Variants in TNKS observed in about 807,000 individuals in gnomAD.
TNKS encodes tankyrase.
TNKS carries 72 observed loss-of-function variants against 135.8 expected under a neutral mutation model. The observed-to-expected ratio is 0.53, with a 90% confidence interval of 0.44 to 0.64. TNKS has a LOEUF of 0.64. Ranked by LOEUF, TNKS falls within the 30% of genes least tolerant of loss-of-function variation. The pLI is 0.00. For missense variants in TNKS, 1,769 were observed against 1,674.0 expected, an observed-to-expected ratio of 1.06 and a Z score of -0.99; for synonymous variants, 849 against 649.3, an observed-to-expected ratio of 1.31 and a Z score of -4.68.
At chr8:9,651,057 A>G (rs1198346273) in intron 3 of TNKS, among the ~76,000 whole-genome samples, 1 of 151,860 alleles carries the variant, frequency 6.6e-6, no homozygotes, top group Non-Finnish European at 1.5e-5. Flanking sequence ...TACCAACACC[A>G]TTTGTTAACT....
chr8:9,761,707 G>A lies in TNKS; in HGVS notation c.3274+71G>A, dbSNP rs1807158188. The A allele has an allele frequency of 5.3e-5, 80 of 1,498,254 alleles. 1 individual carries two copies. In the South Asian group the frequency reaches 9.9e-4, roughly 19 times the overall value. The allele number at this position is 1,498,254 out of a possible 1,614,324, so 92.8% of individuals were successfully genotyped here. A position where few individuals can be genotyped will look rare whatever the true frequency, so the allele number is the denominator to read the frequency against. ...AAGGTAAGTATTGGGGCTGATAATT[G>A]AACTCAGGCAGTCCAGTCCCAGAAC... On this transcript the variant is annotated intron_variant, in intron 21 of 26. Transcript: ENST00000310430.
intron 11 of TNKS, among the ~76,000 whole-genome samples, chr8:9,717,050 C>T (rs1240282056): frequency 1.1e-5 from 1 of 91,794 alleles, no homozygotes; most frequent in Non-Finnish European, 2.3e-5. Context: ...TTGAAACCAC[C>T]AAAGATAATC....
At chr8:9,582,623 C>G (rs1261116917) in intron 2 of TNKS, among the ~76,000 whole-genome samples, 1 of 152,192 alleles carries the variant, frequency 6.6e-6, no homozygotes, top group Non-Finnish European at 1.5e-5. Context: ...CCATGGGCCA[C>G]TTTCTTGGCC....
At chr8:9,745,109 T>G (rs1210731717) in intron 17 of TNKS, among the ~76,000 whole-genome samples, 2 of 152,170 alleles carry the variant, frequency 1.3e-5, no homozygotes, top group Admixed American at 1.3e-4. Flanking sequence ...GGGAGAAGCT[T>G]GAAATTATTC....
chr8:9,762,877 C>T lies in TNKS; in HGVS notation c.3275-270C>T, dbSNP rs554795621. Among the ~76,000 whole-genome samples, 12 of 150,304 alleles carry T rather than the reference C, an allele frequency of 8.0e-5. No individual in the cohort carries two copies. In the South Asian group the frequency reaches 8.5e-4, roughly 11 times the overall value. Reference sequence around the variant, plus strand: ...CCGAGATCACGTCACTGCACTCCAGCCTGGGCGACAGAGCGAGGCTCCGTC... The same window carrying T: ...CCGAGATCACGTCACTGCACTCCAGTCTGGGCGACAGAGCGAGGCTCCGTC... On this transcript the variant is annotated intron_variant, in intron 21 of 26. Transcript: ENST00000310430.
At chr8:9,662,771 T>G (rs1426626344) in intron 3 of TNKS, among the ~76,000 whole-genome samples, 3 of 152,178 alleles carry the variant, frequency 2.0e-5, no homozygotes, top group Non-Finnish European at 4.4e-5. Context: ...AAAAAAAGTA[T>G]GTACTTTTCA....
At chr8:9,767,546 C>G (rs1198904396) in intron 25 of TNKS, among the ~76,000 whole-genome samples, 1 of 152,114 alleles carries the variant, frequency 6.6e-6, no homozygotes, top group Non-Finnish European at 1.5e-5. Context: ...GATTATTGAC[C>G]TTAAAACTTA....
At chr8:9,679,698 G>A (rs1400428019) in intron 3 of TNKS, 3 of 436,260 alleles carry the variant, frequency 6.9e-6, no homozygotes, top group Non-Finnish European at 1.3e-5. Flanking sequence ...ACGAGATTTA[G>A]CATTCATTGG....
At chr8:9,760,553 G>T (rs1398465478) in intron 20 of TNKS, among the ~76,000 whole-genome samples, 1 of 152,152 alleles carries the variant, frequency 6.6e-6, no homozygotes, top group Non-Finnish European at 1.5e-5. Flanking sequence ...GTTTTCCAAG[G>T]CAGGGGAAAA....
At chr8:9,709,821 A>T in intron 9 of TNKS, 134 bp from the exon 10 acceptor site, 3 of 670,546 alleles carry the variant, frequency 4.5e-6, no homozygotes, top group Non-Finnish European at 7.7e-6. Context: ...CATCTCTGTG[A>T]TATAAAACAT....
At chr8:9,746,720 G>A (rs1159372137) in intron 17 of TNKS, among the ~76,000 whole-genome samples, 1 of 152,040 alleles carries the variant, frequency 6.6e-6, no homozygotes, top group Non-Finnish European at 1.5e-5. Flanking sequence ...AATGCTGGTT[G>A]GTAGGTGAGT....
chr8:9,624,045 C>CAACAAAT (rs1799966376), intron 3 of TNKS, among the ~76,000 whole-genome samples: 1 of 139,096 alleles, frequency 7.2e-6, no homozygotes, highest in Non-Finnish European at 1.6e-5. Flanking sequence ...CAACAAAAAA[C>CAACAAAT]AACTAACTTT....
At chr8:9,622,014 GA>G (rs1456389487) in intron 3 of TNKS, among the ~76,000 whole-genome samples, 1 of 151,992 alleles carries the variant, frequency 6.6e-6, no homozygotes, top group Non-Finnish European at 1.5e-5. Flanking sequence ...TTAATTTCTT[GA>G]CTAAGAAAAT....
intron 3 of TNKS, among the ~76,000 whole-genome samples, chr8:9,625,552 G>C (rs941207574): frequency 2.0e-5 from 3 of 151,686 alleles, no homozygotes; most frequent in African/African-American, 7.3e-5. Context: ...TACTGCTTTT[G>C]CTGTGATTCG....
Position 9,556,099 on chromosome 8 carries a change from G to T in TNKS, c.160G>T (p.Ala54Ser). 6.2e-7 allele frequency: 1 copy of T among 1,600,398 alleles called. No homozygotes were observed. The highest frequency in any genetic ancestry group is 1.1e-5 in the South Asian group (1 of 89,536). ...TPASPTASGL[A>S]PFASPRHGLA... ...AGCCTCTCCCACGGCCAGCGGCCTG[G>T]CCCCCTTCGCCTCCCCGCGGCACGG... is the stretch of plus-strand genomic sequence containing the variant. The change falls in exon 1 of 27, where the codon GCC (alanine) becomes TCC (serine). Residue 54 changes from alanine (A) to serine (S), a missense_variant. Ala to Ser is a moderately conservative substitution (Grantham distance 99). Transcript: ENST00000310430.
At chr8:9,573,377 G>A (rs1797832525) in intron 1 of TNKS, among the ~76,000 whole-genome samples, 1 of 152,158 alleles carries the variant, frequency 6.6e-6, no homozygotes, top group Non-Finnish European at 1.5e-5. Flanking sequence ...GAGCTTGGTT[G>A]GTTACAGCTT....
At chr8:9,562,350 A>T (rs1797371875) in intron 1 of TNKS, among the ~76,000 whole-genome samples, 1 of 152,060 alleles carries the variant, frequency 6.6e-6, no homozygotes, top group African/African-American at 2.4e-5. Flanking sequence ...TTATATATTT[A>T]TTTTATGGTT....
intron 3 of TNKS, among the ~76,000 whole-genome samples, chr8:9,665,172 GT>G (rs1454952600): frequency 1.3e-5 from 2 of 152,102 alleles, no homozygotes; most frequent in African/African-American, 4.8e-5. Context: ...TCCATTTGCT[GT>G]TTTGAAATTT....
intron 3 of TNKS, among the ~76,000 whole-genome samples, chr8:9,649,664 A>G (rs1199739335): frequency 6.7e-6 from 1 of 149,388 alleles, no homozygotes; most frequent in Non-Finnish European, 1.5e-5. Flanking sequence ...CCATTATGTC[A>G]TTCTTATGCC....
Sources: gnomAD v4.1 joint callset for allele counts (sites outside exome capture counted in the v4.1 genomes callset) on GRCh38, gnomAD v4.1.1 for gene constraint, MANE v1.5 for transcripts, NCBI Gene and HGNC (gene_info 2026-07-23, HGNC 2026-07-21) for gene names.